RIGI: variants seen among roughly 807,000 people sequenced by gnomAD.
The protein encoded by RIGI is RNA sensor RIG-I, also known as antiviral innate immune response receptor RIG-I.
At chr9:32,488,999 T>C in the RIGI span, 1 of 840,374 alleles carries the variant, frequency 1.2e-6, no homozygotes, top group East Asian at 2.9e-5. Flanking sequence ...AATTAATTGA[T>C]AATTTAAATA....
At chr9:32,487,268 G>T in the RIGI span, among the ~76,000 whole-genome samples, 1 of 152,146 alleles carries the variant, frequency 6.6e-6, no homozygotes, top group Non-Finnish European at 1.5e-5. Flanking sequence ...GCTCTCTACA[G>T]GCCACTTCTG....
At chr9:32,491,243 C>A in the RIGI span, 1 of 1,587,426 alleles carries the variant, frequency 6.3e-7, no homozygotes, top group Non-Finnish European at 8.5e-7. Flanking sequence ...CAAAACAAGC[C>A]CCCACACCAA....
At chr9:32,517,955 A>C in the RIGI span, among the ~76,000 whole-genome samples, 1 of 152,198 alleles carries the variant, frequency 6.6e-6, no homozygotes, top group Non-Finnish European at 1.5e-5. Flanking sequence ...TCCAATTAAG[A>C]AAAGGTTATG....
the RIGI span, among the ~76,000 whole-genome samples, chr9:32,487,229 G>C: frequency 6.6e-6 from 1 of 152,152 alleles, no homozygotes; most frequent in Non-Finnish European, 1.5e-5. Context: ...TTTATAAGAG[G>C]TTTTTGGAAG....
the RIGI span, chr9:32,485,199 C>A: frequency 6.2e-7 from 1 of 1,606,126 alleles, no homozygotes; most frequent in Non-Finnish European, 8.5e-7. Flanking sequence ...ATTCTCTTTG[C>A]CAGACTCTCT....
the RIGI span, among the ~76,000 whole-genome samples, chr9:32,473,790 G>A: frequency 6.6e-6 from 1 of 152,088 alleles, no homozygotes; most frequent in East Asian, 1.9e-4. Context: ...CATTTTGGGA[G>A]GCCGAGGCAG....
At chr9:32,490,548 G>A in the RIGI span, among the ~76,000 whole-genome samples, 9 of 151,956 alleles carry the variant, frequency 5.9e-5, no homozygotes, top group Admixed American at 3.3e-4. Flanking sequence ...AGTTGCAGAC[G>A]TAATCTGCAC....
the RIGI span, chr9:32,457,122 T>A: frequency 1.2e-6 from 2 of 1,610,216 alleles, no homozygotes; most frequent in Non-Finnish European, 1.7e-6. Context: ...GGACCTGATA[T>A]CATTTGGACA....
chr9:32,494,219 C>T, the RIGI span, among the ~76,000 whole-genome samples: 1 of 151,970 alleles, frequency 6.6e-6, no homozygotes, highest in Non-Finnish European at 1.5e-5. Flanking sequence ...AATCTTTCTT[C>T]CAAAGTGACT....
the RIGI span, among the ~76,000 whole-genome samples, chr9:32,509,099 C>T: frequency 6.6e-6 from 1 of 152,176 alleles, no homozygotes; most frequent in South Asian, 2.1e-4. Flanking sequence ...AGCAGCCCCA[C>T]TCAGGGGCTT....
chr9:32,524,582 T>C, the RIGI span, among the ~76,000 whole-genome samples: 2 of 149,868 alleles, frequency 1.3e-5, no homozygotes, highest in African/African-American at 4.9e-5. Flanking sequence ...TCATCGACTT[T>C]TTTTTGTTTT....
chr9:32,493,787 T>C, the RIGI span: 1 of 1,587,708 alleles, frequency 6.3e-7, no homozygotes, highest in East Asian at 2.2e-5. Context: ...CATTCCTGAT[T>C]AATTAAACAT....
the RIGI span, among the ~76,000 whole-genome samples, chr9:32,525,609 G>A: frequency 6.6e-6 from 1 of 152,202 alleles, no homozygotes; most frequent in Non-Finnish European, 1.5e-5. Flanking sequence ...AGATTCGGCA[G>A]AGTAAGCATC....
At chr9:32,520,594 C>T in the RIGI span, among the ~76,000 whole-genome samples, 3 of 152,100 alleles carry the variant, frequency 2.0e-5, no homozygotes, top group South Asian at 4.2e-4. Flanking sequence ...AATCCCTCTA[C>T]GCCCAGGAAC....
chr9:32,492,436 C>T, the RIGI span: 1 of 1,614,164 alleles, frequency 6.2e-7, no homozygotes, highest in South Asian at 1.1e-5. Flanking sequence ...CTTTCTTTCT[C>T]CAAAGCAAGT....
At chr9:32,488,222 TCC>T in the RIGI span, 819 of 1,610,592 alleles carry the variant, frequency 5.1e-4, 6 homozygotes, top group African/African-American at 9.6e-3. Context: ...TGACAGAAAT[TCC>T]ATATTACTAA....
the RIGI span, among the ~76,000 whole-genome samples, chr9:32,516,913 G>A: frequency 3.9e-5 from 6 of 152,162 alleles, no homozygotes; most frequent in South Asian, 2.1e-4. Context: ...GACACTGTTC[G>A]GGCTTGTCTA....
the RIGI span, among the ~76,000 whole-genome samples, chr9:32,474,905 T>C: frequency 6.6e-6 from 1 of 152,144 alleles, no homozygotes; most frequent in East Asian, 1.9e-4. Flanking sequence ...GAACACTCAA[T>C]ATTGTCAAGA....
chr9:32,517,160 T>C, the RIGI span, among the ~76,000 whole-genome samples: 1 of 152,212 alleles, frequency 6.6e-6, no homozygotes. Context: ...TCTTCTGTAG[T>C]GCTGTTTGGC....
Sources: allele counts gnomAD v4.1 joint callset (sites outside exome capture counted in the v4.1 genomes callset), GRCh38; gene constraint gnomAD v4.1.1; transcripts MANE v1.5; gene names NCBI Gene and HGNC (gene_info 2026-07-23, HGNC 2026-07-21).